The following TPST1 variants were observed in gnomAD, a reference collection of about 807,000 sequenced individuals.
TPST1 encodes the protein tyrosylprotein sulfotransferase 1.
In TPST1, 20 loss-of-function variants were observed where a neutral mutation model predicts 34.8. That is an observed-to-expected ratio of 0.57 (90% CI 0.40 to 0.84). TPST1 has a LOEUF of 0.84. Among genes scored for constraint, TPST1 ranks in the 40% least tolerant of loss-of-function variants. The probability of loss-of-function intolerance (pLI) is 0.00; values close to 1 mark genes in which losing one functional copy is unlikely to be tolerated. For synonymous variants in TPST1, 152 were observed against 159.4 expected, an observed-to-expected ratio of 0.95 and a Z score of 0.35; for missense variants, 353 against 455.5, an observed-to-expected ratio of 0.78 and a Z score of 2.05.
At chr7:66,208,715 T>TGCCTCAGCCTCCCA (rs1226552038) in intron 1 of TPST1, among the ~76,000 whole-genome samples, 1 of 152,074 alleles carries the variant, frequency 6.6e-6, no homozygotes, top group Non-Finnish European at 1.5e-5. Flanking sequence ...GCAGTCTGCC[T>TGCCTCAGCCTCCCA]GCCTCAGCCT....
intron 2 of TPST1, among the ~76,000 whole-genome samples, chr7:66,272,862 C>T (rs144479313): frequency 7.2e-5 from 11 of 152,252 alleles, no homozygotes; most frequent in East Asian, 3.9e-4. Context: ...GCTGGGATTA[C>T]GGGTGTGAGC....
At chr7:66,326,665 G>C (rs1402506666) in intron 3 of TPST1, among the ~76,000 whole-genome samples, 1 of 152,132 alleles carries the variant, frequency 6.6e-6, no homozygotes, top group Non-Finnish European at 1.5e-5. Flanking sequence ...AAGAGTAAGA[G>C]GTTCCTATTT....
intron 3 of TPST1, among the ~76,000 whole-genome samples, chr7:66,346,407 G>T (rs1002181992): frequency 3.9e-5 from 6 of 152,102 alleles, no homozygotes; most frequent in African/African-American, 1.4e-4. Flanking sequence ...CCTCCATACT[G>T]TTCTCCATGG....
At chr7:66,297,484 C>T (rs111534656) in intron 3 of TPST1, among the ~76,000 whole-genome samples, 1 of 152,156 alleles carries the variant, frequency 6.6e-6, no homozygotes. Context: ...GGAACAGAGT[C>T]CTCAGGGCAC....
chr7:66,311,911 C>T (rs1164618647), intron 3 of TPST1, among the ~76,000 whole-genome samples: 2 of 152,174 alleles, frequency 1.3e-5, no homozygotes, highest in Admixed American at 6.5e-5. Flanking sequence ...TCTTCTCTCC[C>T]AGCTTTGGCA....
chr7:66,266,114 A>C (rs573194317), intron 2 of TPST1, among the ~76,000 whole-genome samples: 1 of 152,348 alleles, frequency 6.6e-6, no homozygotes, highest in South Asian at 2.1e-4. Context: ...GCTGGTTCCC[A>C]GAAAAAGGAG....
chr7:66,220,741 A>G (rs1356101184), intron 1 of TPST1, among the ~76,000 whole-genome samples: 1 of 132,578 alleles, frequency 7.5e-6, no homozygotes, highest in African/African-American at 2.9e-5. Flanking sequence ...ACGGCCTTGT[A>G]CTAACGTTAT....
chr7:66,347,266 C>T (rs1792376016), intron 3 of TPST1, among the ~76,000 whole-genome samples: 1 of 151,794 alleles, frequency 6.6e-6, no homozygotes, highest in Non-Finnish European at 1.5e-5. Context: ...CGGGGTTTCA[C>T]CATGTTGCCC....
rs192620185 is a variant in TPST1 at position 66,300,466 on chromosome 7, G to A, written c.1044+13757G>A. On this transcript the variant is annotated intron_variant, in intron 3 of 5. Coordinates refer to ENST00000304842, the MANE Select transcript of TPST1 (RefSeq NM_003596.4). ...AGTCTTGAACCTCTCAATGTCATCT[G>A]TCTGATTCTTCCAAATTCCTGTTAA... 5.3e-4 allele frequency among the ~76,000 whole-genome samples: 81 copies of A among 152,206 alleles called. 1 individual carries two copies. The highest frequency in any genetic ancestry group is 1.8e-3 in the African/African-American group (74 of 41,520).
chr7:66,252,555 G>T (rs539247217), intron 2 of TPST1, among the ~76,000 whole-genome samples: 1 of 151,214 alleles, frequency 6.6e-6, no homozygotes, highest in Non-Finnish European at 1.5e-5. Context: ...GGATGATCTC[G>T]ATCTCCTGAC....
At chr7:66,273,425 T>C (rs777723461) in intron 2 of TPST1, among the ~76,000 whole-genome samples, 1 of 152,194 alleles carries the variant, frequency 6.6e-6, no homozygotes, top group Non-Finnish European at 1.5e-5. Flanking sequence ...GAAAAAGCAC[T>C]TGTAAAATTT....
rs956369120 is a variant in TPST1, at chr7:66,216,018, G to A, written c.-102+10496G>A. Among the ~76,000 whole-genome samples the A allele has an allele frequency of 2.6e-5, 4 of 152,018 alleles. No homozygotes were observed. In the South Asian group the frequency reaches 6.2e-4, roughly 24 times the overall value. On this transcript the variant is annotated intron_variant, in intron 1 of 5. Coordinates refer to ENST00000304842, the MANE Select transcript of TPST1 (RefSeq NM_003596.4). ...GATCTCCTGACCTTGTGATCCGCCC[G>A]CCTTGGCCTCCCAAAGTGCTGGGAT...
chr7:66,353,251 C>T (rs1792516922), intron 4 of TPST1, among the ~76,000 whole-genome samples: 1 of 151,910 alleles, frequency 6.6e-6, no homozygotes, highest in Admixed American at 6.6e-5. Flanking sequence ...GTGGAGGTTG[C>T]TGAGCCAAGA....
At chr7:66,270,175 A>G (rs1199723304) in intron 2 of TPST1, among the ~76,000 whole-genome samples, 1 of 152,168 alleles carries the variant, frequency 6.6e-6, no homozygotes, top group African/African-American at 2.4e-5. Context: ...AGTAGCTATC[A>G]AGAGACCACG....
At chr7:66,351,514 T>C (rs1223190399) in intron 3 of TPST1, among the ~76,000 whole-genome samples, 2 of 152,244 alleles carry the variant, frequency 1.3e-5, no homozygotes, top group African/African-American at 4.8e-5. Flanking sequence ...TAGAGCTATG[T>C]AATGTAGATA....
In TPST1 at chr7:66,240,997, A is replaced by G; in HGVS notation, c.572A>G (p.His191Arg). Residue 191 changes from histidine (H) to arginine (R), a missense_variant, in exon 2 of 6, where the codon CAT becomes CGT. Transcript: ENST00000304842. ...LMVRDGRASV[H>R]SMISRKVTIA... Reference sequence around the variant, plus strand: ...GTCCGAGATGGCCGGGCATCAGTACATTCAATGATTTCTCGAAAAGTTACT... The same window carrying G: ...GTCCGAGATGGCCGGGCATCAGTACGTTCAATGATTTCTCGAAAAGTTACT... 1.2e-6 allele frequency: 2 copies of G among 1,614,220 alleles called. No homozygotes were observed. Among genetic ancestry groups the G allele is most frequent in the Non-Finnish European group, 1.7e-6 (2 of 1,180,044 alleles).
chr7:66,345,690 A>G (rs1012677502), intron 3 of TPST1, among the ~76,000 whole-genome samples: 5 of 151,682 alleles, frequency 3.3e-5, no homozygotes, highest in African/African-American at 1.2e-4. Flanking sequence ...TTTTTCATTT[A>G]TTTTTGTGGT....
intron 1 of TPST1, among the ~76,000 whole-genome samples, chr7:66,225,058 C>T (rs1789624025): frequency 6.6e-6 from 1 of 151,626 alleles, no homozygotes; most frequent in African/African-American, 2.4e-5. Context: ...GCAGGGATTA[C>T]AGGCACGCGC....
intron 3 of TPST1, among the ~76,000 whole-genome samples, chr7:66,298,114 A>G (rs1350227483): frequency 6.6e-6 from 1 of 152,196 alleles, no homozygotes; most frequent in Non-Finnish European, 1.5e-5. Flanking sequence ...TGGCCAGTAT[A>G]TGGTCTTATG....
Sources: allele counts gnomAD v4.1 joint callset (sites outside exome capture counted in the v4.1 genomes callset), GRCh38; gene constraint gnomAD v4.1.1; transcripts MANE v1.5; gene names NCBI Gene and HGNC (gene_info 2026-07-23, HGNC 2026-07-21).